ATP2C2: variants seen among roughly 807,000 people sequenced by gnomAD.
The protein encoded by ATP2C2 is ATPase secretory pathway Ca2+ transporting 2.
In ATP2C2, 171 loss-of-function variants were observed where a neutral mutation model predicts 110.8. The observed-to-expected ratio is 1.54, with a 90% CI of 1.36 to 1.75. ATP2C2 has a LOEUF of 1.75. ATP2C2 is among the 40% of genes most tolerant of loss of function. The pLI is 0.00. For missense variants in ATP2C2, 1,963 were observed against 1,235.0 expected, an observed-to-expected ratio of 1.59 and a Z score of -8.84; for synonymous variants, 804 against 508.4, an observed-to-expected ratio of 1.58 and a Z score of -7.82.
chr16:84,380,305 A>G (rs1471474139), intron 1 of ATP2C2, among the ~76,000 whole-genome samples: 1 of 152,110 alleles, frequency 6.6e-6, no homozygotes, highest in African/African-American at 2.4e-5. Flanking sequence ...TCCTAATAGT[A>G]GTTGCTGTTT....
At chr16:84,459,603 A>T in intron 23 of ATP2C2, 2 of 1,534,210 alleles carry the variant, frequency 1.3e-6, no homozygotes, top group Non-Finnish European at 8.7e-7. Context: ...GTGAGGATGG[A>T]ACTTTCTGCT....
At chr16:84,398,451 C>A in intron 1 of ATP2C2, 48 bp from the exon 2 acceptor site, 2 of 1,094,886 alleles carry the variant, frequency 1.8e-6, no homozygotes, top group South Asian at 4.2e-5. Context: ...AAAAATTAAT[C>A]AGTACAAAAG....
intron 11 of ATP2C2, among the ~76,000 whole-genome samples, chr16:84,431,898 G>A (rs987163424): frequency 6.6e-6 from 1 of 152,152 alleles, no homozygotes; most frequent in Non-Finnish European, 1.5e-5. Flanking sequence ...AGAAGCGGGG[G>A]CTGGGAGGAA....
At chr16:84,407,766 C>A (rs1312171861) in intron 3 of ATP2C2, among the ~76,000 whole-genome samples, 1 of 152,200 alleles carries the variant, frequency 6.6e-6, no homozygotes, top group African/African-American at 2.4e-5. Flanking sequence ...CCTCTGCACC[C>A]AGCCCTTGTT....
chr16:84,420,001 G>T (rs991689816), intron 7 of ATP2C2, among the ~76,000 whole-genome samples: 1 of 152,064 alleles, frequency 6.6e-6, no homozygotes, highest in Admixed American at 6.5e-5. Context: ...CAAGCTACTT[G>T]TCTCATGCTG....
intron 6 of ATP2C2, among the ~76,000 whole-genome samples, chr16:84,413,045 C>T (rs1026887278): frequency 6.6e-6 from 1 of 151,090 alleles, no homozygotes; most frequent in African/African-American, 2.4e-5. Flanking sequence ...TTGCAGTGAG[C>T]CAAGAGTGCT....
At chr16:84,398,398 T>A in intron 1 of ATP2C2, 101 bp from the exon 2 acceptor site, 3 of 603,606 alleles carry the variant, frequency 5.0e-6, no homozygotes, top group Non-Finnish European at 7.5e-6. Context: ...AGAGTGAGAC[T>A]CCATCTCAAA....
At chr16:84,462,658 T>C (rs983857360) in intron 26 of ATP2C2, 1 of 153,192 alleles carries the variant, frequency 6.5e-6, no homozygotes, top group Non-Finnish European at 1.5e-5. Context: ...GCCAAGCGAG[T>C]GTGGCACCTT....
At chr16:84,394,903 T>C (rs1487841077) in intron 1 of ATP2C2, among the ~76,000 whole-genome samples, 1 of 152,138 alleles carries the variant, frequency 6.6e-6, no homozygotes, top group Non-Finnish European at 1.5e-5. Context: ...AAAGTCACAT[T>C]CTGGTGTACC....
chr16:84,383,374 G>A (rs1027551620), intron 1 of ATP2C2, among the ~76,000 whole-genome samples: 1 of 152,176 alleles, frequency 6.6e-6, no homozygotes, highest in Non-Finnish European at 1.5e-5. Flanking sequence ...TGGGCACAGC[G>A]CCTGCCAACT....
chr16:84,460,872 G>A, intron 24 of ATP2C2, 71 bp downstream of exon 24: 5 of 1,506,344 alleles, frequency 3.3e-6, no homozygotes, highest in South Asian at 1.3e-5. Flanking sequence ...TGCAGTCCCT[G>A]CCCTCCTGCC....
At chr16:84,462,812 T>C (rs3743659) in intron 26 of ATP2C2, 68,850 of 152,700 alleles carry the variant, frequency 0.45, 15,670 homozygotes, top group Non-Finnish European at 0.47. Flanking sequence ...GCAGCCCCCA[T>C]GGGCCCACCG....
chr16:84,391,101 GAGACTCAGACTCAAAAAAAAAAAAA>G (rs1012405112), intron 1 of ATP2C2, among the ~76,000 whole-genome samples: 2 of 115,460 alleles, frequency 1.7e-5, no homozygotes, highest in Non-Finnish European at 3.3e-5. Context: ...GTGACAGAGT[GAGACTCAGACTCAAAAAAAAAAAAA>G]AAAAAAAAGA....
intron 1 of ATP2C2, among the ~76,000 whole-genome samples, chr16:84,379,174 C>A (rs977799668): frequency 1.3e-5 from 2 of 151,088 alleles, no homozygotes; most frequent in Non-Finnish European, 3.0e-5. Flanking sequence ...CCTACCCTCC[C>A]CTCTCCTGTC....
chr16:84,432,667 C>G (rs982618304), intron 11 of ATP2C2, among the ~76,000 whole-genome samples: 2 of 152,030 alleles, frequency 1.3e-5, no homozygotes, highest in African/African-American at 4.8e-5. Context: ...ATTACAGGTG[C>G]CTGCCACCAC....
chr16:84,453,831 CT>C (rs140890620), intron 20 of ATP2C2, among the ~76,000 whole-genome samples: 62 of 150,014 alleles, frequency 4.1e-4, no homozygotes, highest in Non-Finnish European at 5.5e-4. Flanking sequence ...GAGAAGCTAT[CT>C]TTTTTTTTTC....
chr16:84,453,227 G>A lies in ATP2C2; in HGVS notation c.1921G>A (p.Val641Met), dbSNP rs201188924. ...GGAGAAGGGCGAGCTGGCCGACCGC[G>A]TGGGGAAGGTGGGTCCCCGGAGGCT... is the stretch of plus-strand genomic sequence containing the variant. Reference protein sequence around the residue: ...SVEKGELADRVGKVSVFFRTS... With the variant: ...SVEKGELADRMGKVSVFFRTS... The change falls in exon 19 of 27, where the codon GTG becomes ATG. Residue 641 changes from valine to methionine, a missense_variant. Val to Met is a conservative substitution (Grantham distance 21, BLOSUM62 1). Transcript: ENST00000262429. 4.3e-5 allele frequency: 70 copies of A among 1,613,970 alleles called. No individual in the cohort carries two copies. The Middle Eastern group carries it at 8.2e-4, about 19-fold the overall frequency.
In ATP2C2 at chr16:84,448,605, G is replaced by A. The variant is rs372221780; in HGVS notation, c.1576G>A (p.Gly526Arg). Reference sequence around the variant, plus strand: ...CCGCTACTGCACCATGTACAACAACGGGGGCATCCCCCTGCCGCTGACGCC... The same window carrying A: ...CCGCTACTGCACCATGTACAACAACAGGGGCATCCCCCTGCCGCTGACGCC... The part of the protein sequence containing the change: ...VIRYCTMYNN[G>R]GIPLPLTPQQ... The change falls in exon 17 of 27, where the codon GGG becomes AGG. Residue 526 changes from glycine (G) to arginine (R), a missense_variant. Gly to Arg is a moderately radical substitution (Grantham distance 125, BLOSUM62 -2). Coordinates refer to ENST00000262429, the MANE Select transcript of ATP2C2 (RefSeq NM_014861.4). 81 of 1,613,882 alleles carry A rather than the reference G, an allele frequency of 5.0e-5. 1 individual carries two copies. In the South Asian group the frequency reaches 5.1e-4, roughly 10 times the overall value.
chr16:84,389,550 T>G (rs1451481802), intron 1 of ATP2C2, among the ~76,000 whole-genome samples: 1 of 152,164 alleles, frequency 6.6e-6, no homozygotes, highest in Non-Finnish European at 1.5e-5. Context: ...CAAAGGTAAC[T>G]GGCATCTGTA....
Sources: gnomAD v4.1 joint callset for allele counts (sites outside exome capture counted in the v4.1 genomes callset) on GRCh38, gnomAD v4.1.1 for gene constraint, MANE v1.5 for transcripts, NCBI Gene and HGNC (gene_info 2026-07-23, HGNC 2026-07-21) for gene names.